ANKH: variants seen among roughly 807,000 people sequenced by gnomAD.
The protein encoded by ANKH is ANKH inorganic pyrophosphate transport regulator, also known as mineralization regulator ANKH.
Under a neutral mutation model 49.0 loss-of-function variants are expected in ANKH, and 15 were observed. That is an observed-to-expected ratio of 0.31 (90% CI 0.20 to 0.47). The LOEUF is 0.47. Ranked by LOEUF, ANKH falls within the 20% of genes least tolerant of loss-of-function variation. ANKH has a pLI of 1.00. For synonymous variants in ANKH, 273 were observed against 260.0 expected (o/e 1.05, Z -0.48); for missense variants, 429 against 652.0 (o/e 0.66, Z 3.72).
chr5:14,797,398 A>C, intron 1 of ANKH: 1 of 1,610,924 alleles, frequency 6.2e-7, no homozygotes, highest in Non-Finnish European at 8.5e-7. Context: ...GTACCACTGG[A>C]AGCTAAAATA....
At chr5:14,784,698 G>C (rs1205838055) in intron 1 of ANKH, among the ~76,000 whole-genome samples, 6 of 152,142 alleles carry the variant, frequency 3.9e-5, no homozygotes, top group African/African-American at 1.4e-4. Flanking sequence ...CCTCTACCTG[G>C]AAGTCTGGGT....
chr5:14,732,952 A>C (rs918830318), intron 8 of ANKH, among the ~76,000 whole-genome samples: 16 of 152,198 alleles, frequency 1.1e-4, no homozygotes, highest in African/African-American at 3.9e-4. Flanking sequence ...CATGAGAGCC[A>C]CAGGCGTGAC....
intron 2 of ANKH, among the ~76,000 whole-genome samples, chr5:14,765,975 A>G (rs1739246807): frequency 6.6e-6 from 1 of 152,210 alleles, no homozygotes; most frequent in Non-Finnish European, 1.5e-5. Context: ...GACTGGGGGA[A>G]AAAAGTCTAA....
intron 1 of ANKH, among the ~76,000 whole-genome samples, chr5:14,815,754 C>T (rs983842105): frequency 2.6e-5 from 4 of 152,240 alleles, no homozygotes; most frequent in Admixed American, 1.3e-4. Context: ...ATGAGCCACA[C>T]AGACACGACC....
Position 14,712,987 on chromosome 5 carries a change from C to A in ANKH, c.1266-14G>T. ...GCACCGTGCACCCTGCAGATGAGAA[C>A]ACAAAGGCAATTTGTCTGTTAAGGC... On this transcript the variant is annotated splice_polypyrimidine_tract_variant and intron_variant, in intron 10 of 11. Coordinates refer to ENST00000284268, the MANE Select transcript of ANKH (RefSeq NM_054027.6). The A allele has an allele frequency of 6.2e-7, 1 of 1,608,964 alleles. No homozygotes were observed. The highest frequency in any genetic ancestry group is 1.1e-5 in the South Asian group (1 of 89,848).
chr5:14,861,105 G>A (rs2250599), intron 1 of ANKH, among the ~76,000 whole-genome samples: 12,317 of 152,152 alleles, frequency 0.081, 956 homozygotes, highest in African/African-American at 0.21. Context: ...TGAAGCAAGG[G>A]TTCTGAAAAG....
intron 1 of ANKH, chr5:14,798,405 G>A (rs756737807): frequency 1.8e-5 from 28 of 1,557,810 alleles, no homozygotes; most frequent in Non-Finnish European, 2.4e-5. Flanking sequence ...GGCCATGGCG[G>A]GCAGGCGAGC....
At chr5:14,838,602 C>G (rs1421186858) in intron 1 of ANKH, among the ~76,000 whole-genome samples, 2 of 152,100 alleles carry the variant, frequency 1.3e-5, no homozygotes, top group Non-Finnish European at 2.9e-5. Context: ...GGACCCCACG[C>G]CTGCTTGGGG....
In ANKH at chr5:14,725,606, CAGA is replaced by C. The variant is rs956463880; in HGVS notation, c.1012-8774_1012-8772del. On this transcript the variant is annotated intron_variant, in intron 8 of 11. Transcript: ENST00000284268. The surrounding 1 kb of genome is among the most constrained non-coding windows in gnomAD (Gnocchi z 4.0). ...CCACGGATGTCACCTGTGAGTATTCCAGAAGGTTTCCTGGGACCGTATTCTAAC... is the reference window on the plus strand; with the variant it reads ...CCACGGATGTCACCTGTGAGTATTCCAGGTTTCCTGGGACCGTATTCTAAC... 2.6e-5 allele frequency among the ~76,000 whole-genome samples: 4 copies of C among 152,338 alleles called. No individual in the cohort carries two copies. Among genetic ancestry groups the C allele is most frequent in the Admixed American group, 6.5e-5 (1 of 15,306 alleles).
chr5:14,822,851 G>C (rs1034913144), intron 1 of ANKH, among the ~76,000 whole-genome samples: 2 of 152,056 alleles, frequency 1.3e-5, no homozygotes, highest in South Asian at 2.1e-4. Flanking sequence ...TCGAGACCAC[G>C]GTGAAACCCT....
intron 1 of ANKH, among the ~76,000 whole-genome samples, chr5:14,848,787 A>G (rs1429982084): frequency 1.3e-5 from 2 of 152,224 alleles, no homozygotes; most frequent in Non-Finnish European, 2.9e-5. Context: ...GCATGGCCCA[A>G]GGTTCCGTTC....
chr5:14,815,373 TGTGA>T (rs1313379091), intron 1 of ANKH, among the ~76,000 whole-genome samples: 4 of 152,250 alleles, frequency 2.6e-5, no homozygotes, highest in African/African-American at 7.2e-5. Flanking sequence ...TCTGTATGCA[TGTGA>T]GTGTGTATGG....
intron 1 of ANKH, among the ~76,000 whole-genome samples, chr5:14,780,911 T>C (rs1739786317): frequency 6.6e-6 from 1 of 152,214 alleles, no homozygotes; most frequent in Non-Finnish European, 1.5e-5. Flanking sequence ...AGACGAAATC[T>C]AGTTTTAAAA....
intron 1 of ANKH, among the ~76,000 whole-genome samples, chr5:14,809,545 ACT>A (rs531093255): frequency 2.4e-4 from 37 of 152,022 alleles, no homozygotes; most frequent in African/African-American, 8.0e-4. Context: ...ACATAGTGAG[ACT>A]CTGTCTCAAT....
chr5:14,819,435 A>G (rs1400061063), intron 1 of ANKH, among the ~76,000 whole-genome samples: 1 of 152,204 alleles, frequency 6.6e-6, no homozygotes, highest in Non-Finnish European at 1.5e-5. Flanking sequence ...TAACATTTCT[A>G]CAAGGAGGTC....
In ANKH at chr5:14,710,725, T is replaced by G. The variant is rs1462088883; in HGVS notation, c.*472A>C. 1 of 194,180 alleles carries G rather than the reference T, an allele frequency of 5.1e-6. No homozygotes were observed. Among genetic ancestry groups the G allele is most frequent in the Admixed American group, 5.4e-5 (1 of 18,574 alleles). 12.0% of individuals were successfully genotyped at this position (194,180 alleles called of 1,614,324 possible). A position where few individuals can be genotyped will look rare whatever the true frequency, so the allele number is the denominator to read the frequency against. On this transcript the variant is annotated 3_prime_UTR_variant, in exon 12 of 12. Coordinates refer to ENST00000284268, the MANE Select transcript of ANKH (RefSeq NM_054027.6). ...AAGAGGCCACCGGGGCTCCATCTCT[T>G]TGTACGGCCATGTGACTGGGAAGCA...
intron 1 of ANKH, among the ~76,000 whole-genome samples, chr5:14,860,012 G>A (rs553974682): frequency 1.3e-5 from 2 of 152,292 alleles, no homozygotes; most frequent in African/African-American, 4.8e-5. Flanking sequence ...AACATGTGGT[G>A]GACTAACTAC....
At chr5:14,857,547 A>G (rs77696280) in intron 1 of ANKH, among the ~76,000 whole-genome samples, 1 of 152,044 alleles carries the variant, frequency 6.6e-6, no homozygotes, top group Non-Finnish European at 1.5e-5. Flanking sequence ...GATTCCAGCT[A>G]CTTGGGAGGC....
At chr5:14,738,514 G>A (rs1370842408) in intron 8 of ANKH, among the ~76,000 whole-genome samples, 4 of 152,130 alleles carry the variant, frequency 2.6e-5, no homozygotes, top group Non-Finnish European at 5.9e-5. Flanking sequence ...GCATCATCAC[G>A]CAGCTCCTAC....
Sources: gnomAD v4.1 joint callset for allele counts (sites outside exome capture counted in the v4.1 genomes callset) on GRCh38, gnomAD v4.1.1 for gene constraint, Gnocchi (gnomAD v3.1) non-coding constraint, MANE v1.5 for transcripts, NCBI Gene and HGNC (gene_info 2026-07-23, HGNC 2026-07-21) for gene names.